Variants in NPHP4 observed in about 807,000 individuals in gnomAD.
NPHP4 encodes nephrocystin-4.
In NPHP4, 151 loss-of-function variants were observed where a neutral mutation model predicts 155.8. The observed-to-expected ratio is 0.97, with a 90% CI of 0.85 to 1.11. NPHP4 has a LOEUF of 1.11. Among genes scored for constraint, NPHP4 ranks in the 50% least tolerant of loss-of-function variants. The pLI is 0.00. For synonymous variants in NPHP4, 845 were observed against 816.8 expected (o/e 1.03, Z -0.59); for missense variants, 1,956 against 1,925.7 (o/e 1.02, Z -0.29).
chr1:5,909,780 T>C lies in NPHP4; in HGVS notation c.1442-567A>G, dbSNP rs575897658. On this transcript the variant is annotated intron_variant, in intron 11 of 29. Transcript: ENST00000378156. The stretch of plus-strand genomic sequence containing the variant: ...AGGCCAGCCCTTCATGGGGTCCCCC[T>C]GGAGCCAGGGACTGAGAACTGCCTT... 3.6e-3 allele frequency among the ~76,000 whole-genome samples: 553 copies of C among 152,258 alleles called. 1 individual carries two copies. The highest frequency in any genetic ancestry group is 0.012 in the African/African-American group (509 of 41,536).
At chr1:5,902,782 T>C (rs1024978765) in intron 16 of NPHP4, among the ~76,000 whole-genome samples, 5 of 152,236 alleles carry the variant, frequency 3.3e-5, no homozygotes, top group African/African-American at 1.2e-4. Context: ...TGCAATATTA[T>C]TTTGTCATTC....
chr1:5,976,588 A>G (rs1344010713), intron 3 of NPHP4, among the ~76,000 whole-genome samples: 1 of 152,220 alleles, frequency 6.6e-6, no homozygotes. Flanking sequence ...AGTCACACTC[A>G]TGAAACCTTT....
At chr1:5,934,281 G>A (rs1056472134) in intron 9 of NPHP4, among the ~76,000 whole-genome samples, 7 of 152,106 alleles carry the variant, frequency 4.6e-5, no homozygotes, top group African/African-American at 1.4e-4. Context: ...AGGCAACAGC[G>A]GGTCCGACCA....
intron 11 of NPHP4, among the ~76,000 whole-genome samples, chr1:5,921,308 C>T (rs1343242284): frequency 1.3e-5 from 2 of 152,220 alleles, no homozygotes; most frequent in Non-Finnish European, 2.9e-5. Flanking sequence ...ATGCTGAGCC[C>T]GCCCATGTCT....
intron 10 of NPHP4, among the ~76,000 whole-genome samples, chr1:5,932,631 G>A (rs2101735247): frequency 6.6e-6 from 1 of 151,560 alleles, no homozygotes; most frequent in Non-Finnish European, 1.5e-5. Flanking sequence ...CGTCTTAATT[G>A]GGGTGCAGAG....
chr1:5,933,651 G>C (rs1183696294), intron 9 of NPHP4, among the ~76,000 whole-genome samples: 1 of 152,132 alleles, frequency 6.6e-6, no homozygotes, highest in Non-Finnish European at 1.5e-5. Flanking sequence ...ATGAACCCCT[G>C]TTCCCATAAG....
intron 17 of NPHP4, 65 bp from the exon 18 acceptor site, chr1:5,887,531 A>AGGGCT: frequency 2.6e-6 from 4 of 1,525,242 alleles, no homozygotes; most frequent in Non-Finnish European, 3.6e-6. Flanking sequence ...CCAGCCCTGC[A>AGGGCT]GGTGGAGGCT....
chr1:5,944,361 G>A lies in NPHP4; in HGVS notation c.1119+2743C>T, dbSNP rs1261287329. On this transcript the variant is annotated intron_variant, in intron 9 of 29. Transcript: ENST00000378156. The surrounding 1 kb of genome is among the most constrained non-coding windows in gnomAD (Gnocchi z 4.3). ...TCTGGGAGACACTGCTGCAGACGGG[G>A]TGGCTGAGGTGGGAGGGCCCTGCCA... Among the ~76,000 whole-genome samples the A allele has an allele frequency of 1.3e-5, 2 of 152,246 alleles. No individual in the cohort carries two copies. The highest frequency in any genetic ancestry group is 4.8e-5 in the African/African-American group (2 of 41,476).
intron 11 of NPHP4, among the ~76,000 whole-genome samples, chr1:5,925,252 T>C (rs571562763): frequency 6.6e-6 from 1 of 152,356 alleles, no homozygotes; most frequent in South Asian, 2.1e-4. Context: ...CTTGTCATTA[T>C]TCCCTAAACA....
chr1:5,873,412 C>T, intron 22 of NPHP4, 77 bp from the exon 23 acceptor site: 1 of 1,180,584 alleles, frequency 8.5e-7, no homozygotes, highest in Non-Finnish European at 1.3e-6. Context: ...AGAGACACCA[C>T]TGCCACCCAG....
chr1:5,982,021 G>C (rs1479351296), intron 2 of NPHP4, among the ~76,000 whole-genome samples: 2 of 151,960 alleles, frequency 1.3e-5, no homozygotes, highest in East Asian at 3.8e-4. Context: ...TTTAGTATCT[G>C]ATAAAATTCA....
At chr1:5,900,355 G>A (rs771216326) in intron 16 of NPHP4, among the ~76,000 whole-genome samples, 4 of 152,192 alleles carry the variant, frequency 2.6e-5, no homozygotes, top group South Asian at 2.1e-4. Context: ...TGGCACATAC[G>A]TGCAATGAAG....
At chr1:5,881,244 G>C (rs886520926) in intron 18 of NPHP4, 2 of 152,250 alleles carry the variant, frequency 1.3e-5, no homozygotes, top group African/African-American at 4.8e-5. Flanking sequence ...GACGAGCCCA[G>C]TGCTGGGAGC....
At chr1:5,880,317 C>A (rs561811290) in intron 18 of NPHP4, 78 bp from the exon 19 acceptor site, 2 of 1,497,782 alleles carry the variant, frequency 1.3e-6, no homozygotes, top group Non-Finnish European at 1.8e-6. Context: ...ACCACATAAG[C>A]GGCTGTGGCT....
At chr1:5,943,479 A>T (rs1210652614) in intron 9 of NPHP4, among the ~76,000 whole-genome samples, 1 of 152,092 alleles carries the variant, frequency 6.6e-6, no homozygotes, top group African/African-American at 2.4e-5. Flanking sequence ...TTGCCTCCTG[A>T]TCTGATGCAT....
rs17432446 is a variant in NPHP4 at position 5,892,666 on chromosome 1, C to T, written c.2144-1638G>A. On this transcript the variant is annotated intron_variant, in intron 16 of 29. Transcript: ENST00000378156. This position sits in a 1 kb window ranked among gnomAD's most constrained non-coding sequence, Gnocchi z 4.5. The stretch of plus-strand genomic sequence containing the variant: ...ACTGGGTCGAGCTGTGTTTGGGACG[C>T]GCGTACTCTCCCCACTGCAGCCTCA... Among the ~76,000 whole-genome samples the T allele has an allele frequency of 0.12, 17,980 of 151,986 alleles. 1,194 individuals are homozygous for T. The highest frequency in any genetic ancestry group is 0.15 in the Non-Finnish European group (10,200 of 67,924).
chr1:5,978,819 G>A (rs1437189587), intron 2 of NPHP4, among the ~76,000 whole-genome samples: 1 of 152,158 alleles, frequency 6.6e-6, no homozygotes, highest in Admixed American at 6.5e-5. Context: ...TGCTGGCTGT[G>A]GATTTGCTGT....
chr1:5,875,070 G>T lies in NPHP4; in HGVS notation c.2848C>A (p.Arg950=), dbSNP rs371939932. Residue 950 remains arginine, a synonymous_variant, in exon 21 of 30, where the codon CGG becomes AGG. Transcript: ENST00000378156. ...AQQSVRTQHL[R]DLQVIAAYRE... ...TAGGCGGCGATGACCTGTAGGTCCC[G>T]CAAGTGCTGTGTGCGGACGCTCTGC... 6.2e-7 allele frequency: 1 copy of T among 1,606,690 alleles called. No individual in the cohort carries two copies. The highest frequency in any genetic ancestry group is 8.5e-7 in the Non-Finnish European group (1 of 1,179,538).
At chr1:5,906,023 G>A (rs1205434126) in intron 13 of NPHP4, among the ~76,000 whole-genome samples, 2 of 152,206 alleles carry the variant, frequency 1.3e-5, no homozygotes, top group Non-Finnish European at 2.9e-5. Flanking sequence ...TTGTGTACCT[G>A]AGGTTCAAAT....
Sources: gnomAD v4.1 joint callset for allele counts (sites outside exome capture counted in the v4.1 genomes callset) on GRCh38, gnomAD v4.1.1 for gene constraint, Gnocchi (gnomAD v3.1) non-coding constraint, MANE v1.5 for transcripts, NCBI Gene and HGNC (gene_info 2026-07-23, HGNC 2026-07-21) for gene names.